The following ANXA8 variants were observed in gnomAD, a reference collection of about 807,000 sequenced individuals.
ANXA8 encodes VAC-beta.
ANXA8 carries 9 observed loss-of-function variants against 26.8 expected under a neutral mutation model. That is an observed-to-expected ratio of 0.34 (90% CI 0.20 to 0.59). The LOEUF (loss-of-function observed/expected upper bound fraction) is 0.59, where lower values mean the gene tolerates loss of function less well. Among genes scored for constraint, ANXA8 ranks in the 20% least tolerant of loss-of-function variants. The pLI is 0.84. For synonymous variants in ANXA8, 39 were observed against 94.8 expected (o/e 0.41, Z 3.42); for missense variants, 83 against 238.5 (o/e 0.35, Z 4.29).
At chr10:47,776,965 A>G in the ANXA8 span, among the ~76,000 whole-genome samples, 1 of 151,844 alleles carries the variant, frequency 6.6e-6, no homozygotes, top group Non-Finnish European at 1.5e-5. Flanking sequence ...GAAACGGAAA[A>G]GGCGGAAGAG....
the ANXA8 span, among the ~76,000 whole-genome samples, chr10:47,892,586 T>A: frequency 6.7e-6 from 1 of 148,674 alleles, no homozygotes; most frequent in Non-Finnish European, 1.5e-5. Context: ...GGAAGAGCAG[T>A]GCCCGACCTG....
At chr10:47,653,465 A>G in the ANXA8 span, among the ~76,000 whole-genome samples, 25 of 151,742 alleles carry the variant, frequency 1.6e-4, no homozygotes, top group Non-Finnish European at 2.9e-4. Context: ...AAAAGTAAGT[A>G]GTCACGTGTG....
the ANXA8 span, among the ~76,000 whole-genome samples, chr10:47,684,511 G>A: frequency 4.6e-3 from 697 of 152,036 alleles, 9 homozygotes; most frequent in African/African-American, 0.016. Flanking sequence ...CAGCCTGTGG[G>A]GCTGCATGTG....
chr10:47,581,989 G>A, the ANXA8 span, among the ~76,000 whole-genome samples: 703 of 150,132 alleles, frequency 4.7e-3, 26 homozygotes, highest in South Asian at 0.014. Context: ...CATGGCCAGG[G>A]AAGGCTTGAC....
At chr10:47,595,121 T>C in the ANXA8 span, among the ~76,000 whole-genome samples, 1 of 148,258 alleles carries the variant, frequency 6.7e-6, no homozygotes, top group Non-Finnish European at 1.5e-5. Flanking sequence ...TTTAGTACTC[T>C]AAAAGGAATG....
chr10:47,981,247 A>T, the ANXA8 span, among the ~76,000 whole-genome samples: 1 of 150,790 alleles, frequency 6.6e-6, no homozygotes, highest in South Asian at 2.1e-4. Flanking sequence ...CAAAATCAAT[A>T]TCCTTTCATG....
chr10:47,704,203 T>C, the ANXA8 span, among the ~76,000 whole-genome samples: 1 of 143,528 alleles, frequency 7.0e-6, no homozygotes, highest in Admixed American at 7.0e-5. Context: ...ATTTATAATA[T>C]GTGAGATGCC....
At chr10:47,502,098 C>T in the ANXA8 span, 24 of 1,571,490 alleles carry the variant, frequency 1.5e-5, 1 homozygote, top group South Asian at 5.6e-5. Flanking sequence ...TCGGGGCAGC[C>T]GTACTGCAGA....
the ANXA8 span, among the ~76,000 whole-genome samples, chr10:47,750,704 CG>C: frequency 1.6e-5 from 2 of 128,120 alleles, no homozygotes; most frequent in African/African-American, 5.8e-5. Context: ...TTCCAAAGTG[CG>C]GGGATAATAG....
the ANXA8 span, among the ~76,000 whole-genome samples, chr10:47,771,709 C>T: frequency 3.6e-4 from 54 of 149,204 alleles, no homozygotes; most frequent in South Asian, 0.012. Flanking sequence ...TCCTGAGTAG[C>T]TGCGATTACA....
At chr10:47,979,604 G>T in the ANXA8 span, among the ~76,000 whole-genome samples, 1 of 151,186 alleles carries the variant, frequency 6.6e-6, no homozygotes, top group Non-Finnish European at 1.5e-5. Context: ...CCTAACCATG[G>T]TAGGGAGATG....
At chr10:47,567,905 CT>C in the ANXA8 span, 2 of 442,602 alleles carry the variant, frequency 4.5e-6, no homozygotes, top group South Asian at 2.6e-5. Flanking sequence ...TGTCATTTTA[CT>C]TTTTTAACCT....
the ANXA8 span, chr10:47,970,197 G>A: frequency 6.6e-6 from 1 of 151,372 alleles, no homozygotes; most frequent in Non-Finnish European, 1.5e-5. Flanking sequence ...AGAACATGTG[G>A]CGAGCAGGTG....
At chr10:47,966,951 T>C in the ANXA8 span, among the ~76,000 whole-genome samples, 1 of 148,022 alleles carries the variant, frequency 6.8e-6, no homozygotes. Flanking sequence ...TGAATGAAGA[T>C]GATTCCAAAT....
the ANXA8 span, among the ~76,000 whole-genome samples, chr10:47,681,721 C>T: frequency 4.0e-5 from 5 of 124,340 alleles, no homozygotes; most frequent in African/African-American, 1.2e-4. Flanking sequence ...TTTTTTGTAG[C>T]GACATAGTCT....
At chr10:47,733,175 T>TTCTTTCTTTCTCTCTCTCTCTC in the ANXA8 span, among the ~76,000 whole-genome samples, 4 of 93,268 alleles carry the variant, frequency 4.3e-5, no homozygotes, top group African/African-American at 1.3e-4. Flanking sequence ...CTTTCTTTCT[T>TTCTTTCTTTCTCTCTCTCTCTC]TCTTTCTTTC....
the ANXA8 span, among the ~76,000 whole-genome samples, chr10:47,984,992 A>G: frequency 6.9e-6 from 1 of 144,808 alleles, no homozygotes; most frequent in African/African-American, 2.6e-5. Context: ...TCAAAATTAA[A>G]AACTTTGCCT....
chr10:47,631,190 T>A, the ANXA8 span, among the ~76,000 whole-genome samples: 1 of 150,586 alleles, frequency 6.6e-6, no homozygotes, highest in Non-Finnish European at 1.5e-5. Flanking sequence ...TTCTTTGGAA[T>A]TTTATTCTAA....
At chr10:47,614,540 G>T in the ANXA8 span, among the ~76,000 whole-genome samples, 2 of 64,072 alleles carry the variant, frequency 3.1e-5, no homozygotes, top group African/African-American at 9.0e-5. Flanking sequence ...CTGAGTGTTC[G>T]TATTATGGAT....
Sources: gnomAD v4.1 joint callset for allele counts (sites outside exome capture counted in the v4.1 genomes callset) on GRCh38, gnomAD v4.1.1 for gene constraint, MANE v1.5 for transcripts, NCBI Gene and HGNC (gene_info 2026-07-23, HGNC 2026-07-21) for gene names.